SP4: variants seen among roughly 807,000 people sequenced by gnomAD.
SP4 encodes transcription factor Sp4.
SP4 carries 19 observed loss-of-function variants against 72.8 expected under a neutral mutation model. The observed-to-expected ratio is 0.26, with a 90% confidence interval of 0.18 to 0.38. The LOEUF is 0.38. Ranked by LOEUF, SP4 falls within the 10% of genes least tolerant of loss-of-function variation. The probability of loss-of-function intolerance (pLI) is 1.00; values close to 1 mark genes in which losing one functional copy is unlikely to be tolerated. For missense variants in SP4, 1,008 were observed against 926.3 expected (o/e 1.09, Z -1.14); for synonymous variants, 395 against 333.1 (o/e 1.19, Z -2.02).
chr7:21,447,718 C>G (rs1783471452), intron 3 of SP4, among the ~76,000 whole-genome samples: 1 of 152,182 alleles, frequency 6.6e-6, no homozygotes, highest in African/African-American at 2.4e-5. Flanking sequence ...GAGTCTTGCT[C>G]TGTGGTCCAG....
chr7:21,500,723 T>A (rs2282900), intron 5 of SP4, among the ~76,000 whole-genome samples: 2 of 152,210 alleles, frequency 1.3e-5, no homozygotes, highest in Non-Finnish European at 2.9e-5. Context: ...TTCCCCTCAC[T>A]ATTCTAATCT....
chr7:21,447,690 A>T (rs1292908664), intron 3 of SP4, among the ~76,000 whole-genome samples: 1 of 152,172 alleles, frequency 6.6e-6, no homozygotes, highest in African/African-American at 2.4e-5. Flanking sequence ...TTGGGAAGAA[A>T]GTACTTTTTT....
chr7:21,438,819 A>ATACTGTAT (rs2128393319), intron 3 of SP4, among the ~76,000 whole-genome samples: 1 of 152,354 alleles, frequency 6.6e-6, no homozygotes, highest in African/African-American at 2.4e-5. Context: ...TGTATATGCT[A>ATACTGTAT]ACAAGTCACT....
chr7:21,455,323 C>T (rs937258521), intron 3 of SP4, among the ~76,000 whole-genome samples: 1 of 152,092 alleles, frequency 6.6e-6, no homozygotes, highest in African/African-American at 2.4e-5. Flanking sequence ...ATTTTTAGGC[C>T]AAACAGTATT....
chr7:21,464,480 CAT>C (rs1195026407), intron 3 of SP4, among the ~76,000 whole-genome samples: 2 of 152,120 alleles, frequency 1.3e-5, no homozygotes. Context: ...TACGTTTTCA[CAT>C]GTTTATTTTG....
At chr7:21,459,933 A>C (rs1562600871) in intron 3 of SP4, among the ~76,000 whole-genome samples, 1 of 152,248 alleles carries the variant, frequency 6.6e-6, no homozygotes, top group Admixed American at 6.5e-5. Context: ...TCATTAAAAT[A>C]AAAGGTAATG....
At chr7:21,502,348 T>G (rs958655424) in intron 5 of SP4, among the ~76,000 whole-genome samples, 7 of 152,162 alleles carry the variant, frequency 4.6e-5, no homozygotes, top group African/African-American at 1.7e-4. Flanking sequence ...TCCCATGGGC[T>G]TATTGAACTC....
intron 3 of SP4, among the ~76,000 whole-genome samples, chr7:21,444,777 A>G (rs1457593353): frequency 6.6e-6 from 1 of 152,222 alleles, no homozygotes; most frequent in Non-Finnish European, 1.5e-5. Flanking sequence ...GGCCAAGATC[A>G]TATAGCCAGT....
At position 21,506,354 on chromosome 7, in the gene SP4, G is replaced by A. The variant is rs188930208; in HGVS notation, c.2108-4668G>A. 3.1e-3 allele frequency among the ~76,000 whole-genome samples: 466 copies of A among 152,184 alleles called. 2 individuals are homozygous for A. The highest frequency in any genetic ancestry group is 0.011 in the African/African-American group (441 of 41,524). On this transcript the variant is annotated intron_variant, in intron 5 of 5. Coordinates refer to ENST00000222584, the MANE Select transcript of SP4 (RefSeq NM_003112.5). ...CTACTCAGAAGGTGCTCCTGCCCCC[G>A]ACTAGTCTTCATCAATAGTCATGAG... is the stretch of plus-strand genomic sequence containing the variant.
intron 5 of SP4, 63 bp downstream of exon 5, chr7:21,482,186 G>T: frequency 7.5e-7 from 1 of 1,336,476 alleles, no homozygotes; most frequent in South Asian, 1.3e-5. Flanking sequence ...GAAAATTTTA[G>T]TGATAGTTTA....
chr7:21,451,606 G>A (rs535393062), intron 3 of SP4, among the ~76,000 whole-genome samples: 37 of 152,238 alleles, frequency 2.4e-4, no homozygotes, highest in African/African-American at 8.4e-4. Context: ...GCTGAATTCA[G>A]CCAGGTCCAA....
intron 3 of SP4, among the ~76,000 whole-genome samples, chr7:21,454,587 T>C (rs1010058946): frequency 2.0e-5 from 3 of 152,208 alleles, no homozygotes; most frequent in African/African-American, 7.2e-5. Context: ...ATTAGGAAGT[T>C]ATGGTTTGTT....
chr7:21,430,568 G>A lies in SP4; in HGVS notation c.1403G>A (p.Ser468Asn), dbSNP rs752336759. The A allele has an allele frequency of 6.2e-7, 1 of 1,614,230 alleles. No homozygotes were observed. Among genetic ancestry groups the A allele is most frequent in the East Asian group, 2.2e-5 (1 of 44,882 alleles). Residue 468 changes from serine to asparagine, a missense_variant, in exon 3 of 6, where the codon AGT becomes AAT. Physicochemically the swap from Ser to Asn is conservative, Grantham distance 46 (BLOSUM62 1). Transcript: ENST00000222584. ...APTLTPSGQI[S>N]WQTVQVQNIQ... ...ACTTTAACACCTTCAGGGCAAATCA[G>A]TTGGCAAACTGTACAGGTTCAGAAT...
rs755697215 is a variant in SP4 at position 21,429,846 on chromosome 7, G to C, written c.681G>C (p.Gln227His). 1.2e-6 allele frequency: 2 copies of C among 1,614,232 alleles called. No homozygotes were observed. The highest frequency in any genetic ancestry group is 8.5e-7 in the Non-Finnish European group (1 of 1,180,046). ...GNILAQNLAN[Q>H]TVPVQIRPGV... ...TTCTTGCTCAAAACCTGGCAAATCA[G>C]ACAGTTCCGGTCCAAATTAGACCTG... The change falls in exon 3 of 6, where the codon CAG becomes CAC. Residue 227 changes from glutamine (Q) to histidine (H), a missense_variant. By Grantham distance (24) the Gln-to-His change is conservative. Coordinates refer to ENST00000222584, the MANE Select transcript of SP4 (RefSeq NM_003112.5).
Position 21,458,199 on chromosome 7 carries a change from G to C in SP4, c.1679-18880G>C, listed in dbSNP as rs189580125. On this transcript the variant is annotated intron_variant, in intron 3 of 5. Coordinates refer to ENST00000222584, the MANE Select transcript of SP4 (RefSeq NM_003112.5). Reference sequence around the variant, plus strand: ...CTGTCAAGGTTTATGTCTTTTTTTGGGGGGTGGGGTGGGGATGGAGTCTCA... The same window carrying C: ...CTGTCAAGGTTTATGTCTTTTTTTGCGGGGTGGGGTGGGGATGGAGTCTCA... 5.3e-5 allele frequency among the ~76,000 whole-genome samples: 8 copies of C among 151,876 alleles called. No homozygotes were observed. In the East Asian group the frequency reaches 1.2e-3, roughly 22 times the overall value.
At chr7:21,470,936 T>C (rs1304222552) in intron 3 of SP4, 1 of 412,746 alleles carries the variant, frequency 2.4e-6, no homozygotes, top group African/African-American at 2.1e-5. Context: ...AAAAAAATTA[T>C]TTTACAAAGC....
intron 4 of SP4, among the ~76,000 whole-genome samples, 185 bp from the exon 5 acceptor site, chr7:21,481,739 G>C (rs1248925884): frequency 6.6e-6 from 1 of 152,082 alleles, no homozygotes; most frequent in African/African-American, 2.4e-5. Flanking sequence ...ATAGCAATTT[G>C]GTACACAGAC....
At chr7:21,483,118 G>A (rs542251118) in intron 5 of SP4, among the ~76,000 whole-genome samples, 29 of 152,094 alleles carry the variant, frequency 1.9e-4, no homozygotes, top group Admixed American at 1.9e-3. Flanking sequence ...GTAGTGTCAG[G>A]CCTTGAAAGT....
chr7:21,435,590 T>C (rs1022998534), intron 3 of SP4, among the ~76,000 whole-genome samples: 3 of 152,222 alleles, frequency 2.0e-5, no homozygotes, highest in Non-Finnish European at 4.4e-5. Flanking sequence ...GGCATCTGTA[T>C]ATATACATAC....
Sources: gnomAD v4.1 joint callset for allele counts (sites outside exome capture counted in the v4.1 genomes callset) on GRCh38, gnomAD v4.1.1 for gene constraint, MANE v1.5 for transcripts, NCBI Gene and HGNC (gene_info 2026-07-23, HGNC 2026-07-21) for gene names.